EXOSC5: variants seen among roughly 807,000 people sequenced by gnomAD.
EXOSC5 encodes the protein exosome component 5.
A neutral mutation model predicts 23.7 loss-of-function variants in EXOSC5; 15 were observed. The ratio of observed to expected loss-of-function variants is 0.63; its 90% CI spans 0.42 to 0.97. The LOEUF is 0.97. EXOSC5 is among the 50% of genes least tolerant of loss of function. EXOSC5 has a pLI of 0.00. For missense variants in EXOSC5, 305 were observed against 316.3 expected (o/e 0.96, Z 0.27); for synonymous variants, 143 against 140.9 (o/e 1.02, Z -0.11).
rs1275025420 is a variant in EXOSC5, at chr19:41,393,953, A to G, written c.149-973T>C. On this transcript the variant is annotated intron_variant, in intron 1 of 5. Transcript: ENST00000221233. ...TCTCTTTCCAAAGCTTCCCCAGCCC[A>G]GCTCTTCCCTTAGGCACTGGCCCCC... Among the ~76,000 whole-genome samples the G allele has an allele frequency of 2.0e-5, 3 of 152,278 alleles. No individual in the cohort carries two copies. The East Asian group carries it at 5.8e-4, about 29-fold the overall frequency.
chr19:41,389,833 A>G lies in EXOSC5; in HGVS notation c.457T>C (p.Cys153Arg), dbSNP rs1191302120. The G allele has an allele frequency of 1.2e-6, 2 of 1,614,040 alleles. No individual in the cohort carries two copies. The highest frequency in any genetic ancestry group is 1.7e-5 in the Admixed American group (1 of 60,004). ...GAGTCCAGGGCGCAGGCGACCCCAC[A>G]GAAGAGAGCCCGCATGGGCACACCT... ...DAGVPMRALF[C>R]GVACALDSDG... The change falls in exon 4 of 6, where the codon TGT becomes CGT. Residue 153 changes from cysteine (C) to arginine (R), a missense_variant. Coordinates refer to ENST00000221233, the MANE Select transcript of EXOSC5 (RefSeq NM_020158.4).
chr19:41,389,661 T>TTGAGGTGGCA (rs1568496494), intron 4 of EXOSC5, 104 bp downstream of exon 4: 2 of 1,472,312 alleles, frequency 1.4e-6, no homozygotes, highest in African/African-American at 2.9e-5. Flanking sequence ...CTAAGTGGGA[T>TTGAGGTGGCA]TGAGGTGGCA....
chr19:41,389,410 C>T (rs200440338), intron 4 of EXOSC5, among the ~76,000 whole-genome samples: 6 of 152,002 alleles, frequency 3.9e-5, no homozygotes, highest in Non-Finnish European at 5.9e-5. Flanking sequence ...GGATTACAGG[C>T]GTGCGCCACC....
intron 1 of EXOSC5, among the ~76,000 whole-genome samples, chr19:41,393,838 C>T (rs990880853): frequency 2.6e-5 from 4 of 152,132 alleles, no homozygotes; most frequent in African/African-American, 9.7e-5. Context: ...CAGGCGTGAG[C>T]CACTGTGCCC....
At chr19:41,391,657 T>A in intron 3 of EXOSC5, 184 bp downstream of exon 3, 1 of 691,010 alleles carries the variant, frequency 1.4e-6, no homozygotes, top group Non-Finnish European at 2.2e-6. Context: ...TTAATGTGCA[T>A]AAGGCACACA....
chr19:41,393,974 C>A (rs1451312826), intron 1 of EXOSC5, among the ~76,000 whole-genome samples: 1 of 152,124 alleles, frequency 6.6e-6, no homozygotes. Context: ...TAGGCACTGG[C>A]CCCCAAATTT....
intron 4 of EXOSC5, among the ~76,000 whole-genome samples, chr19:41,389,544 C>T (rs563034610): frequency 2.6e-4 from 40 of 152,314 alleles, no homozygotes; most frequent in Non-Finnish European, 5.0e-4. Context: ...GGATTACAGG[C>T]GTGAGCCACC....
rs183705571 is a variant in EXOSC5, at chr19:41,397,210, C to G, written c.119G>C (p.Arg40Pro). Residue 40 changes from arginine to proline, a missense_variant, in exon 1 of 6, where the codon CGG becomes CCG. Coordinates refer to ENST00000221233, the MANE Select transcript of EXOSC5 (RefSeq NM_020158.4). ...HFACEQNLLS[R>P]PDGSASFLQG... Reference sequence around the variant, plus strand: ...CAGGAAGGAAGCAGAGCCATCTGGCCGCGACAGCAGGTTCTGTTCGCAGGC... The same window carrying G: ...CAGGAAGGAAGCAGAGCCATCTGGCGGCGACAGCAGGTTCTGTTCGCAGGC... 43 of 1,613,976 alleles carry G rather than the reference C, an allele frequency of 2.7e-5. No individual in the cohort carries two copies. Among genetic ancestry groups the G allele is most frequent in the Non-Finnish European group, 3.5e-5 (41 of 1,179,952 alleles).
Position 41,389,661 on chromosome 19 carries a change from T to A in EXOSC5, c.525+104A>T, listed in dbSNP as rs1032800656. The A allele has an allele frequency of 2.4e-5, 36 of 1,472,310 alleles. No individual in the cohort carries two copies. In the Admixed American group the frequency reaches 8.0e-4, roughly 33 times the overall value. 91.2% of individuals were successfully genotyped at this position (1,472,310 alleles called of 1,614,324 possible). A position where few individuals can be genotyped will look rare whatever the true frequency, so the allele number is the denominator to read the frequency against. On this transcript the variant is annotated intron_variant, in intron 4 of 5. Transcript: ENST00000221233. ...TTAGAGCAGCCCTTGCTAAGTGGGA[T>A]TGAGGTGGCATGAGCCGACTGTCTG... is the stretch of plus-strand genomic sequence containing the variant.
At chr19:41,391,766 T>G (rs2039023623) in intron 3 of EXOSC5, 75 bp downstream of exon 3, 10 of 1,441,520 alleles carry the variant, frequency 6.9e-6, no homozygotes, top group Non-Finnish European at 7.3e-6. Context: ...TGGCTAGCAG[T>G]GAGGGTATAT....
At chr19:41,390,281 C>T (rs1186736014) in intron 3 of EXOSC5, among the ~76,000 whole-genome samples, 2 of 152,162 alleles carry the variant, frequency 1.3e-5, no homozygotes, top group Non-Finnish European at 2.9e-5. Context: ...ATCCATGCCT[C>T]CCTCCACCAG....
intron 1 of EXOSC5, among the ~76,000 whole-genome samples, chr19:41,393,711 C>T (rs1344349816): frequency 6.6e-6 from 1 of 152,034 alleles, no homozygotes; most frequent in Non-Finnish European, 1.5e-5. Flanking sequence ...AGGCGCGCGC[C>T]ACCACACCTG....
Position 41,392,043 on chromosome 19 carries a change from A to T in EXOSC5, c.263-81T>A, listed in dbSNP as rs770621453. 1.1e-4 allele frequency: 170 copies of T among 1,520,808 alleles called. 1 individual carries two copies. Among genetic ancestry groups the T allele is most frequent in the South Asian group, 8.0e-4 (63 of 78,292 alleles). The allele number at this position is 1,520,808 out of a possible 1,614,324, so 94.2% of individuals were successfully genotyped here. A position where few individuals can be genotyped will look rare whatever the true frequency, so the allele number is the denominator to read the frequency against. ...CCATACGCCTCACCCAAATTCCCAG[A>T]AAGGGCTCACGGTCTCAGCCTGGGA... On this transcript the variant is annotated intron_variant, in intron 2 of 5. Transcript: ENST00000221233.
At chr19:41,389,988 A>C (rs2039012257) in intron 3 of EXOSC5, 83 bp from the exon 4 acceptor site, 2 of 1,463,504 alleles carry the variant, frequency 1.4e-6, no homozygotes, top group South Asian at 2.8e-5. Flanking sequence ...GCTGGAGTGC[A>C]ATGGTGTGAT....
At position 41,391,807 on chromosome 19, in the gene EXOSC5, C is replaced by G. The variant is rs766371831; in HGVS notation, c.384+34G>C. On this transcript the variant is annotated intron_variant, in intron 3 of 5. Coordinates refer to ENST00000221233, the MANE Select transcript of EXOSC5 (RefSeq NM_020158.4). ...CGCCAGGAGGGAAGCAATCAGGAGA[C>G]TTCCTGGAGGAGGAGGCCTGGCAGA... 7 of 1,482,042 alleles carry G rather than the reference C, an allele frequency of 4.7e-6. No individual in the cohort carries two copies. In the South Asian group the frequency reaches 9.9e-5, roughly 21 times the overall value. The allele number at this position is 1,482,042 out of a possible 1,614,324, so 91.8% of individuals were successfully genotyped here.
At chr19:41,388,832 A>G (rs1316764078) in intron 4 of EXOSC5, among the ~76,000 whole-genome samples, 1 of 152,216 alleles carries the variant, frequency 6.6e-6, no homozygotes, top group Non-Finnish European at 1.5e-5. Flanking sequence ...ATGGAGCTTA[A>G]GGGGTCAGTC....
chr19:41,397,138 C>CGGTA, intron 1 of EXOSC5, 43 bp downstream of exon 1: 1 of 1,606,986 alleles, frequency 6.2e-7, no homozygotes, highest in Non-Finnish European at 8.5e-7. Context: ...GCACAGTACA[C>CGGTA]GGTAGTCCCT....
At chr19:41,390,877 C>G (rs1162370472) in intron 3 of EXOSC5, among the ~76,000 whole-genome samples, 1 of 152,182 alleles carries the variant, frequency 6.6e-6, no homozygotes, top group Non-Finnish European at 1.5e-5. Flanking sequence ...CTCTCTCTGC[C>G]CATCCATAAA....
Position 41,389,825 on chromosome 19 carries a change from G to A in EXOSC5, c.465C>T (p.Val155=). ...GVPMRALFCG[V]ACALDSDGTL... ...TCCCATCAGAGTCCAGGGCGCAGGC[G>A]ACCCCACAGAAGAGAGCCCGCATGG... The change falls in exon 4 of 6, where the codon GTC becomes GTT. Residue 155 remains valine, a synonymous_variant. Transcript: ENST00000221233. 1.2e-6 allele frequency: 2 copies of A among 1,614,094 alleles called. No homozygotes were observed. The highest frequency in any genetic ancestry group is 8.5e-7 in the Non-Finnish European group (1 of 1,180,008).
Sources: allele counts gnomAD v4.1 joint callset (sites outside exome capture counted in the v4.1 genomes callset), GRCh38; gene constraint gnomAD v4.1.1; transcripts MANE v1.5; gene names NCBI Gene and HGNC (gene_info 2026-07-23, HGNC 2026-07-21).